NISCH: variants seen among roughly 807,000 people sequenced by gnomAD.
The protein encoded by NISCH is nischarin, also known as I-1 receptor candidate protein.
A neutral mutation model predicts 138.4 loss-of-function variants in NISCH; 55 were observed. That is an observed-to-expected ratio of 0.40 (90% CI 0.32 to 0.50). The LOEUF (loss-of-function observed/expected upper bound fraction) is 0.50. Among genes scored for constraint, NISCH ranks in the 20% least tolerant of loss-of-function variants. The pLI is 0.71. For missense variants in NISCH, 1,643 were observed against 2,005.5 expected (o/e 0.82, Z 3.45); for synonymous variants, 860 against 861.5 (o/e 1.00, Z 0.03).
intron 3 of NISCH, among the ~76,000 whole-genome samples, chr3:52,465,988 G>A (rs1174753614): frequency 1.3e-5 from 2 of 152,168 alleles, no homozygotes; most frequent in Non-Finnish European, 2.9e-5. Context: ...AAAGTTAGTT[G>A]GCTAGAACAA....
chr3:52,480,848 G>A (rs1273158006), intron 13 of NISCH: 25 of 1,533,618 alleles, frequency 1.6e-5, no homozygotes, highest in South Asian at 6.0e-5. Flanking sequence ...CTATCTTAGC[G>A]TTTTCAAAGG....
In NISCH at chr3:52,477,944, G is replaced by A. The variant is rs1578297245; in HGVS notation, c.988-153G>A. The A allele has an allele frequency of 6.1e-6, 5 of 825,402 alleles. No individual in the cohort carries two copies. The East Asian group carries it at 9.9e-5, about 16-fold the overall frequency. The allele number at this position is 825,402 out of a possible 1,614,324, so 51.1% of individuals were successfully genotyped here. A position where few individuals can be genotyped will look rare whatever the true frequency, so the allele number is the denominator to read the frequency against. ...CCACTGTGCTGTGGCATGTGCGGCAGAGAAGAGGGACTTCCCTTCCTAAAA... is the reference window on the plus strand; with the variant it reads ...CCACTGTGCTGTGGCATGTGCGGCAAAGAAGAGGGACTTCCCTTCCTAAAA... On this transcript the variant is annotated intron_variant, in intron 9 of 20. Transcript: ENST00000345716.
intron 13 of NISCH, 51 bp from the exon 14 acceptor site, chr3:52,484,462 T>TTGGGCCGCCC: frequency 1.3e-6 from 1 of 788,670 alleles, no homozygotes; most frequent in Non-Finnish European, 1.8e-6. Context: ...ACAGCCGCTC[T>TTGGGCCGCCC]CCCCGCCCCA....
In NISCH at chr3:52,455,683, G is replaced by C; in HGVS notation, c.42G>C (p.Glu14Asp). The change falls in exon 1 of 21, where the codon GAG becomes GAC. Residue 14 changes from glutamate to aspartate, a missense_variant. Glu to Asp is a conservative substitution (Grantham distance 45, BLOSUM62 2). Transcript: ENST00000345716. ...ARTFGPEREA[E>D]PAKEARVVGS... The stretch of plus-strand genomic sequence containing the variant: ...CCTTCGGGCCCGAGCGGGAAGCCGA[G>C]CCGGCCAAGGAAGCGCGCGTCGTGG... 1 of 1,363,156 alleles carries C rather than the reference G, an allele frequency of 7.3e-7. No homozygotes were observed. The highest frequency in any genetic ancestry group is 9.5e-7 in the Non-Finnish European group (1 of 1,048,216). 84.4% of individuals were successfully genotyped at this position (1,363,156 alleles called of 1,614,324 possible).
chr3:52,490,579 A>T (rs1028589954), intron 18 of NISCH, 126 bp from the exon 19 acceptor site: 1 of 1,320,676 alleles, frequency 7.6e-7, no homozygotes, highest in Non-Finnish European at 1.1e-6. Context: ...GGCATTGCCT[A>T]TGGGGCTTTG....
chr3:52,487,943 C>T lies in NISCH; in HGVS notation c.2451C>T (p.Ala817=), dbSNP rs138392739. Residue 817 remains alanine (A), a synonymous_variant, in exon 16 of 21, where the codon GCC becomes GCT. Transcript: ENST00000345716. The surrounding 1 kb of genome is among the most constrained non-coding windows in gnomAD (Gnocchi z 9.1). ...CATGCTTTGCACCCCAGCACATGGC[C>T]ATGCTGTGTAGCCCCATCCTCTACG... is the stretch of plus-strand genomic sequence containing the variant. The part of the protein sequence containing the change: ...LRSCFAPQHM[A]MLCSPILYGS... 3.9e-3 allele frequency: 6,207 copies of T among 1,611,910 alleles called. 18 individuals are homozygous for T. The highest frequency in any genetic ancestry group is 5.0e-3 in the South Asian group (451 of 91,070).
At chr3:52,489,748 G>A in intron 17 of NISCH, 70 bp downstream of exon 17, 1 of 1,557,084 alleles carries the variant, frequency 6.4e-7, no homozygotes, top group Non-Finnish European at 8.6e-7. Flanking sequence ...CTTGGCTTCA[G>A]GTCAGCCTCA....
intron 9 of NISCH, 194 bp from the exon 10 acceptor site, chr3:52,477,903 A>G (rs1707151007): frequency 1.5e-6 from 1 of 664,386 alleles, no homozygotes; most frequent in Non-Finnish European, 2.6e-6. Context: ...GCCCACCCCA[A>G]CTGTCTGCAG....
intron 13 of NISCH, 52 bp downstream of exon 13, chr3:52,480,347 C>G (rs758756827): frequency 1.2e-6 from 2 of 1,607,106 alleles, no homozygotes; most frequent in African/African-American, 2.7e-5. Context: ...CCTGCCTGGG[C>G]CCCCTGGCTG....
At chr3:52,474,309 T>G (rs1310730931) in intron 7 of NISCH, among the ~76,000 whole-genome samples, 1 of 151,810 alleles carries the variant, frequency 6.6e-6, no homozygotes, top group African/African-American at 2.4e-5. Context: ...GTTGTTGTTG[T>G]TTTTTGAGAC....
At chr3:52,467,213 C>T (rs974385138) in intron 3 of NISCH, among the ~76,000 whole-genome samples, 4 of 152,078 alleles carry the variant, frequency 2.6e-5, no homozygotes, top group African/African-American at 9.7e-5. Context: ...GTTGGCCAGG[C>T]TGGTCTTGAA....
chr3:52,460,725 AAAC>A (rs886401252), intron 3 of NISCH, among the ~76,000 whole-genome samples: 3 of 152,186 alleles, frequency 2.0e-5, no homozygotes, highest in Admixed American at 1.3e-4. Flanking sequence ...TTTTTACAAA[AAAC>A]AAGTTGATAT....
chr3:52,490,910 G>T lies in NISCH; in HGVS notation c.3742+77G>T, dbSNP rs1035388247. 5.7e-6 allele frequency: 9 copies of T among 1,581,744 alleles called. No individual in the cohort carries two copies. The Admixed American group carries it at 1.4e-4, about 24-fold the overall frequency. ...AGTGGGCTTCCACCTTCCGTACGTGGGTGGGTTATCATAGACAGTTATCTC... is the reference window on the plus strand; with the variant it reads ...AGTGGGCTTCCACCTTCCGTACGTGTGTGGGTTATCATAGACAGTTATCTC... On this transcript the variant is annotated intron_variant, in intron 19 of 20. Transcript: ENST00000345716.
chr3:52,491,107 A>C (rs1049998049), intron 19 of NISCH, among the ~76,000 whole-genome samples: 6 of 152,202 alleles, frequency 3.9e-5, no homozygotes, highest in Non-Finnish European at 8.8e-5. Flanking sequence ...TCTGACTCAC[A>C]TTTCCTGAGG....
intron 13 of NISCH, 51 bp from the exon 14 acceptor site, chr3:52,484,462 T>TGGCG: frequency 6.3e-6 from 5 of 788,666 alleles, no homozygotes; most frequent in African/African-American, 1.8e-5. Flanking sequence ...ACAGCCGCTC[T>TGGCG]CCCCGCCCCA....
chr3:52,480,074 C>T, intron 12 of NISCH, 110 bp from the exon 13 acceptor site: 1 of 1,260,000 alleles, frequency 7.9e-7, no homozygotes, highest in Non-Finnish European at 1.1e-6. Context: ...ATGAGACCAT[C>T]TTTACCACCC....
chr3:52,488,059 T>G lies in NISCH; in HGVS notation c.2567T>G (p.Phe856Cys), dbSNP rs747361934. Residue 856 changes from phenylalanine (F) to cysteine (C), a missense_variant, in exon 16 of 21, where the codon TTC becomes TGC. By Grantham distance (205) the Phe-to-Cys change is radical (BLOSUM62 -2). Coordinates refer to ENST00000345716, the MANE Select transcript of NISCH (RefSeq NM_007184.4). ...GGCQERSQGC[F>C]PVYLVYSDKR... is the part of the protein sequence containing the mutation. The stretch of plus-strand genomic sequence containing the variant: ...TGCCAGGAGCGCAGCCAGGGCTGCT[T>G]CCCCGTCTACCTGGTCTACAGTGAC... 1 of 1,612,678 alleles carries G rather than the reference T, an allele frequency of 6.2e-7. No individual in the cohort carries two copies.
At chr3:52,480,485 GTTGC>G in intron 13 of NISCH, 190 bp downstream of exon 13, 1 of 1,529,182 alleles carries the variant, frequency 6.5e-7, no homozygotes, top group South Asian at 1.2e-5. Context: ...GATGCCAGCT[GTTGC>G]TTGCTTGGTG....
At chr3:52,491,251 C>T in intron 19 of NISCH, 101 bp from the exon 20 acceptor site, 1 of 1,488,840 alleles carries the variant, frequency 6.7e-7, no homozygotes, top group Non-Finnish European at 8.9e-7. Context: ...TGGCCCTGGC[C>T]TCTGGGCTGA....
Sources: allele counts gnomAD v4.1 joint callset (sites outside exome capture counted in the v4.1 genomes callset), GRCh38; gene constraint gnomAD v4.1.1; non-coding constraint Gnocchi (gnomAD v3.1); transcripts MANE v1.5; gene names NCBI Gene and HGNC (gene_info 2026-07-23, HGNC 2026-07-21).